Variants in SLC44A5 observed in about 807,000 individuals in gnomAD.
The protein encoded by SLC44A5 is solute carrier family 44 member 5.
In SLC44A5, 57 loss-of-function variants were observed where a neutral mutation model predicts 101.8. The observed-to-expected ratio is 0.56, with a 90% confidence interval of 0.45 to 0.70. The LOEUF (loss-of-function observed/expected upper bound fraction) is 0.70, where lower values mean the gene tolerates loss of function less well. Ranked by LOEUF, SLC44A5 falls within the 30% of genes least tolerant of loss-of-function variation. The pLI is 0.00. For synonymous variants in SLC44A5, 281 were observed against 290.9 expected (o/e 0.97, Z 0.35); for missense variants, 737 against 853.1 (o/e 0.86, Z 1.70).
chr1:75,431,512 G>A (rs1045595015), intron 2 of SLC44A5, among the ~76,000 whole-genome samples: 1 of 152,160 alleles, frequency 6.6e-6, no homozygotes, highest in African/African-American at 2.4e-5. Context: ...GTTTTAGAAT[G>A]TCAAGGTTTA....
chr1:75,301,773 C>T (rs1202778267), intron 4 of SLC44A5, among the ~76,000 whole-genome samples: 6 of 152,208 alleles, frequency 3.9e-5, no homozygotes, highest in East Asian at 3.9e-4. Context: ...AAAGTGAGTT[C>T]GCTTACTTAA....
chr1:75,219,674 A>G (rs1647035877), intron 15 of SLC44A5, 126 bp downstream of exon 15: 3 of 644,346 alleles, frequency 4.7e-6, no homozygotes, highest in Admixed American at 6.3e-5. Context: ...AGAGCTTGGG[A>G]AAAAAATAGT....
intron 3 of SLC44A5, among the ~76,000 whole-genome samples, chr1:75,370,171 C>T (rs758950044): frequency 1.3e-5 from 2 of 152,180 alleles, no homozygotes; most frequent in African/African-American, 2.4e-5. Flanking sequence ...GCATCTAAAG[C>T]TAATATTCTA....
At chr1:75,591,162 A>G (rs10453873) in intron 1 of SLC44A5, among the ~76,000 whole-genome samples, 45,015 of 152,096 alleles carry the variant, frequency 0.3, 7,683 homozygotes, top group East Asian at 0.78. Context: ...ATCTTATCCA[A>G]GACTAACAAT....
intron 2 of SLC44A5, among the ~76,000 whole-genome samples, chr1:75,506,043 G>T (rs1277099038): frequency 6.6e-6 from 1 of 151,936 alleles, no homozygotes; most frequent in Non-Finnish European, 1.5e-5. Flanking sequence ...TTCAAGGTAG[G>T]GGTCTAGTTT....
rs917644398 is a variant in SLC44A5 at position 75,524,559 on chromosome 1, G to A, written c.13+16876C>T. 6.6e-5 allele frequency among the ~76,000 whole-genome samples: 10 copies of A among 152,230 alleles called. No individual in the cohort carries two copies. In the East Asian group the frequency reaches 1.9e-3, roughly 29 times the overall value. ...GTTTCCCAAACTTGTATGATATGAG[G>A]AGTAAAGGAGGGTATTTTATTAATT... On this transcript the variant is annotated intron_variant, in intron 2 of 23. Coordinates refer to ENST00000370859, the MANE Select transcript of SLC44A5 (RefSeq NM_001130058.2).
chr1:75,467,933 G>A (rs530621361), intron 2 of SLC44A5, among the ~76,000 whole-genome samples: 3 of 151,788 alleles, frequency 2.0e-5, no homozygotes, highest in East Asian at 3.9e-4. Flanking sequence ...ACAACCATAC[G>A]ACAAGAGATT....
chr1:75,723,207 T>C, the SLC44A5 span, among the ~76,000 whole-genome samples: 1 of 152,236 alleles, frequency 6.6e-6, no homozygotes, highest in Admixed American at 6.5e-5. Context: ...TTTATGCGTG[T>C]GTGCTCTCGT....
the SLC44A5 span, among the ~76,000 whole-genome samples, chr1:75,695,104 CT>C: frequency 6.6e-6 from 1 of 152,118 alleles, no homozygotes; most frequent in Admixed American, 6.5e-5. Context: ...GGGATCAGCT[CT>C]TTTTTACACT....
rs1672251559 is a variant in SLC44A5, at chr1:75,556,929, A to AAT, written c.-69-15415_-69-15414dup. Among the ~76,000 whole-genome samples, 10 of 152,164 alleles carry AAT rather than the reference A, an allele frequency of 6.6e-5. No homozygotes were observed. The South Asian group carries it at 2.1e-3, about 32-fold the overall frequency. On this transcript the variant is annotated intron_variant, in intron 1 of 23. Transcript: ENST00000370859. ...AATAGCCAAGACTTCACCACTACAC[A>AAT]ATATATATGAAAAAGTGAAGAGAAA...
intron 2 of SLC44A5, among the ~76,000 whole-genome samples, chr1:75,503,422 A>C (rs999895093): frequency 6.6e-6 from 1 of 151,892 alleles, no homozygotes; most frequent in Non-Finnish European, 1.5e-5. Flanking sequence ...AGTGTGTAAC[A>C]CTTCCCCCTT....
rs56767800 is a variant in SLC44A5 at position 75,362,255 on chromosome 1, A to AT, written c.53-22626dup. ...TTTTAAAAAAATGTTCGTTTCATTG[A>AT]TTTTTTTTCTATTGTTTTTCTAGTC... On this transcript the variant is annotated intron_variant, in intron 3 of 23. Coordinates refer to ENST00000370859, the MANE Select transcript of SLC44A5 (RefSeq NM_001130058.2). Among the ~76,000 whole-genome samples, 1,232 of 149,396 alleles carry AT rather than the reference A, an allele frequency of 8.2e-3. 20 individuals are homozygous for AT. The highest frequency in any genetic ancestry group is 0.029 in the African/African-American group (1,177 of 40,734).
chr1:75,321,455 A>G (rs989560927), intron 4 of SLC44A5, among the ~76,000 whole-genome samples: 3 of 130,336 alleles, frequency 2.3e-5, no homozygotes, highest in African/African-American at 1.4e-4. Context: ...TATGGCAGAG[A>G]GAGAGAGAGA....
At chr1:75,613,877 C>T (rs946626361), upstream of SLC44A5, among the ~76,000 whole-genome samples, 1 of 152,180 alleles carries the variant, frequency 6.6e-6, no homozygotes, top group Non-Finnish European at 1.5e-5. Flanking sequence ...GTGTCTTTTT[C>T]ATCAAATCTC....
At chr1:75,620,938 A>AT in the SLC44A5 span, among the ~76,000 whole-genome samples, 8 of 151,934 alleles carry the variant, frequency 5.3e-5, no homozygotes, top group Middle Eastern at 3.4e-3. Flanking sequence ...TACTGCCTAC[A>AT]TTTTTTTCTA....
At chr1:75,299,273 T>A (rs369980387) in intron 5 of SLC44A5, among the ~76,000 whole-genome samples, 16 of 152,232 alleles carry the variant, frequency 1.1e-4, no homozygotes, top group East Asian at 9.6e-4. Context: ...CTTTGTGATT[T>A]ATGCTCCTTT....
chr1:75,366,683 C>A (rs1659880592), intron 3 of SLC44A5, among the ~76,000 whole-genome samples: 2 of 143,366 alleles, frequency 1.4e-5, no homozygotes, highest in Admixed American at 1.4e-4. Flanking sequence ...TTATGATGTA[C>A]CATAGGCGCT....
chr1:75,556,033 TAGAA>T (rs1339885295), intron 1 of SLC44A5, among the ~76,000 whole-genome samples: 3 of 152,056 alleles, frequency 2.0e-5, no homozygotes, highest in Admixed American at 2.0e-4. Context: ...TCTATAGTGA[TAGAA>T]AGCATATGAG....
chr1:75,282,170 G>A (rs952834614), intron 5 of SLC44A5, among the ~76,000 whole-genome samples: 28 of 152,304 alleles, frequency 1.8e-4, no homozygotes, highest in Admixed American at 9.8e-4. Flanking sequence ...TTGCATTAGC[G>A]TGACCTGGAT....
Sources: gnomAD v4.1 joint callset for allele counts (sites outside exome capture counted in the v4.1 genomes callset) on GRCh38, gnomAD v4.1.1 for gene constraint, MANE v1.5 for transcripts, NCBI Gene and HGNC (gene_info 2026-07-23, HGNC 2026-07-21) for gene names.